PLD5: variants seen among roughly 807,000 people sequenced by gnomAD.
The protein encoded by PLD5 is phospholipase D family member 5, also known as inactive phospholipase D5.
Under a neutral mutation model 61.1 loss-of-function variants are expected in PLD5, and 36 were observed. The observed-to-expected ratio is 0.59, with a 90% CI of 0.45 to 0.78. The LOEUF is 0.78. Ranked by LOEUF, PLD5 falls within the 30% of genes least tolerant of loss-of-function variation. The pLI, the probability that PLD5 is intolerant of heterozygous loss-of-function variation, is 0.00. For synonymous variants in PLD5, 243 were observed against 242.8 expected (o/e 1.00, Z -0.01); for missense variants, 515 against 644.4 (o/e 0.80, Z 2.17).
intron 1 of PLD5, among the ~76,000 whole-genome samples, chr1:242,383,490 C>T (rs1485701390): frequency 6.6e-6 from 1 of 151,384 alleles, no homozygotes; most frequent in African/African-American, 2.4e-5. Context: ...CTGCTTGGAC[C>T]ATGCTTTATT....
rs1457492498 is a variant in PLD5, at chr1:242,524,098, T to C, written c.179A>G (p.Lys60Arg). Residue 60 changes from lysine to arginine, a missense_variant, in exon 1 of 10, where the codon AAG becomes AGG. This residue lies in a region of PLD5 where 450 missense variants were observed against 598.1 expected (regional missense o/e 0.75). Transcript: ENST00000536534. Reference sequence around the variant, plus strand: ...GCGAGTCGCCCTTACGTGCTCCAGCTTGTCTTTCCTCCGAAGCCAGACGCT... The same window carrying C: ...GCGAGTCGCCCTTACGTGCTCCAGCCTGTCTTTCCTCCGAAGCCAGACGCT... ...SASVWLRRKD[K>R]LEHSQQKCIV... 6.5e-7 allele frequency: 1 copy of C among 1,534,850 alleles called. No individual in the cohort carries two copies. The highest frequency in any genetic ancestry group is 2.0e-5 in the Admixed American group (1 of 50,964).
intron 1 of PLD5, among the ~76,000 whole-genome samples, chr1:242,419,138 G>A (rs552726793): frequency 5.3e-5 from 8 of 152,336 alleles, no homozygotes; most frequent in African/African-American, 1.7e-4. Context: ...CAAAGAGGGT[G>A]GTTAGACCCT....
At chr1:242,344,690 G>T (rs890476096) in intron 2 of PLD5, among the ~76,000 whole-genome samples, 1 of 151,838 alleles carries the variant, frequency 6.6e-6, no homozygotes, top group African/African-American at 2.4e-5. Flanking sequence ...TAAGGAAAAC[G>T]AAATTAAAAG....
chr1:242,476,112 TG>T (rs1667588032), intron 1 of PLD5, among the ~76,000 whole-genome samples: 2 of 152,222 alleles, frequency 1.3e-5, no homozygotes, highest in African/African-American at 2.4e-5. Context: ...CCCAGTACTT[TG>T]GGAGGCCAAG....
intron 1 of PLD5, among the ~76,000 whole-genome samples, chr1:242,458,746 G>A (rs1298019358): frequency 3.3e-5 from 5 of 152,144 alleles, no homozygotes; most frequent in Admixed American, 1.3e-4. Flanking sequence ...ATTGTTACTT[G>A]TATACTTGTA....
At chr1:242,280,734 TG>T (rs1382070451) in intron 3 of PLD5, among the ~76,000 whole-genome samples, 1 of 152,206 alleles carries the variant, frequency 6.6e-6, no homozygotes, top group Non-Finnish European at 1.5e-5. Context: ...GTTATTTTCT[TG>T]GGTTAAAAAA....
intron 1 of PLD5, among the ~76,000 whole-genome samples, chr1:242,471,069 T>G (rs1293385085): frequency 6.6e-6 from 1 of 152,160 alleles, no homozygotes; most frequent in Non-Finnish European, 1.5e-5. Context: ...GGACTAAACT[T>G]ATCAAGGGCT....
chr1:242,114,100 T>A, intron 6 of PLD5, 74 bp from the exon 7 acceptor site: 2 of 1,523,232 alleles, frequency 1.3e-6, no homozygotes, highest in South Asian at 2.5e-5. Context: ...TTCCTTTGTT[T>A]CCACGGACCT....
chr1:242,511,504 T>C (rs1002408727), intron 1 of PLD5, among the ~76,000 whole-genome samples: 1 of 152,046 alleles, frequency 6.6e-6, no homozygotes, highest in South Asian at 2.1e-4. Context: ...GTAAATAGCA[T>C]GTATGCCATG....
intron 3 of PLD5, among the ~76,000 whole-genome samples, chr1:242,280,748 T>C (rs1186198220): frequency 6.6e-6 from 1 of 152,180 alleles, no homozygotes; most frequent in East Asian, 1.9e-4. Context: ...TTAAAAAAAA[T>C]TGTTAAGAAA....
intron 1 of PLD5, among the ~76,000 whole-genome samples, chr1:242,455,310 ATGGAGCTCAC>A (rs368577705): frequency 0.013 from 2,031 of 152,338 alleles, 53 homozygotes; most frequent in African/African-American, 0.046. Flanking sequence ...CTTTCATCAC[ATGGAGCTCAC>A]TGGATTGATT....
chr1:242,470,551 G>T (rs771271006), intron 1 of PLD5, among the ~76,000 whole-genome samples: 25 of 151,966 alleles, frequency 1.6e-4, no homozygotes, highest in Admixed American at 6.6e-5. Flanking sequence ...AATGTTACAA[G>T]AATTAAGAAA....
At chr1:242,454,281 C>T (rs576535323) in intron 1 of PLD5, among the ~76,000 whole-genome samples, 125 of 149,796 alleles carry the variant, frequency 8.3e-4, no homozygotes, top group African/African-American at 2.7e-3. Context: ...TGCAGTGAGC[C>T]GAGATCATGC....
At chr1:242,313,946 G>T (rs1676852391) in intron 2 of PLD5, among the ~76,000 whole-genome samples, 1 of 152,116 alleles carries the variant, frequency 6.6e-6, no homozygotes, top group Non-Finnish European at 1.5e-5. Flanking sequence ...TGACAGTGAA[G>T]GTCATAGTAG....
intron 2 of PLD5, among the ~76,000 whole-genome samples, chr1:242,346,274 G>A (rs1558483661): frequency 1.3e-5 from 2 of 149,102 alleles, no homozygotes; most frequent in Non-Finnish European, 3.0e-5. Flanking sequence ...TCCTCCAAGT[G>A]AAAAAAAAAT....
chr1:242,497,652 T>C lies in PLD5; in HGVS notation c.189+26436A>G, dbSNP rs532576368. Among the ~76,000 whole-genome samples, 10 of 152,354 alleles carry C rather than the reference T, an allele frequency of 6.6e-5. No individual in the cohort carries two copies. The South Asian group carries it at 1.9e-3, about 28-fold the overall frequency. On this transcript the variant is annotated intron_variant, in intron 1 of 9. Transcript: ENST00000536534. ...AGAGAGCTTCATCCTTCCCTCACAC[T>C]GTTGCTGCAGAAATTAAATGAGATA...
At chr1:242,167,664 C>A (rs1356446435) in intron 5 of PLD5, among the ~76,000 whole-genome samples, 1 of 152,212 alleles carries the variant, frequency 6.6e-6, no homozygotes, top group African/African-American at 2.4e-5. Context: ...CACAAAAACA[C>A]TGAGTATCAG....
intron 5 of PLD5, among the ~76,000 whole-genome samples, chr1:242,174,477 G>T (rs1176625560): frequency 1.3e-5 from 2 of 151,926 alleles, no homozygotes. Context: ...CAACCATTGT[G>T]GAAGTCAGTG....
intron 1 of PLD5, among the ~76,000 whole-genome samples, chr1:242,450,098 T>C (rs1199137532): frequency 6.6e-6 from 1 of 152,232 alleles, no homozygotes; most frequent in Non-Finnish European, 1.5e-5. Flanking sequence ...TGCTCACTTA[T>C]ATGAAACCAC....
Sources: allele counts gnomAD v4.1 joint callset (sites outside exome capture counted in the v4.1 genomes callset), GRCh38; gene constraint gnomAD v4.1.1; regional missense constraint gnomAD v4.1.1; transcripts MANE v1.5; gene names NCBI Gene and HGNC (gene_info 2026-07-23, HGNC 2026-07-21).